The following RAPH1 variants were observed in gnomAD, a reference collection of about 807,000 sequenced individuals.
RAPH1 encodes Ras association (RalGDS/AF-6) and pleckstrin homology domains 1, also known as ras-associated and pleckstrin homology domains-containing protein 1.
A neutral mutation model predicts 88.1 loss-of-function variants in RAPH1; 18 were observed. The observed-to-expected ratio is 0.20, with a 90% CI of 0.14 to 0.30. The LOEUF (loss-of-function observed/expected upper bound fraction) is 0.30, where lower values mean the gene tolerates loss of function less well. RAPH1 is among the 10% of genes least tolerant of loss of function. RAPH1 has a pLI of 1.00. For missense variants in RAPH1, 1,448 were observed against 1,543.2 expected (o/e 0.94, Z 1.03); for synonymous variants, 587 against 559.0 (o/e 1.05, Z -0.71).
At chr2:203,456,199 T>C (rs1201485553) in intron 8 of RAPH1, among the ~76,000 whole-genome samples, 1 of 152,220 alleles carries the variant, frequency 6.6e-6, no homozygotes, top group African/African-American at 2.4e-5. Flanking sequence ...AAAAACTAAG[T>C]TGACACATGA....
chr2:203,465,373 G>T (rs997153010), intron 4 of RAPH1, among the ~76,000 whole-genome samples: 3 of 152,166 alleles, frequency 2.0e-5, no homozygotes, highest in Non-Finnish European at 4.4e-5. Context: ...AATACTAAGT[G>T]AAAGAAGCCA....
At chr2:203,508,037 C>T (rs1051131913) in intron 1 of RAPH1, among the ~76,000 whole-genome samples, 1 of 151,166 alleles carries the variant, frequency 6.6e-6, no homozygotes, top group African/African-American at 2.4e-5. Flanking sequence ...ACAGTGAAAC[C>T]CCATCCCTAC....
intron 10 of RAPH1, among the ~76,000 whole-genome samples, chr2:203,449,592 T>C (rs972924380): frequency 6.6e-6 from 1 of 152,186 alleles, no homozygotes; most frequent in Non-Finnish European, 1.5e-5. Context: ...AGTAGGTCCT[T>C]GGAAAGAAAA....
intron 4 of RAPH1, among the ~76,000 whole-genome samples, chr2:203,466,068 T>C (rs936905956): frequency 1.3e-5 from 2 of 152,226 alleles, no homozygotes; most frequent in African/African-American, 2.4e-5. Context: ...TGCTACTCTT[T>C]ATGCTTACAT....
chr2:203,529,004 T>TAC (rs1690259937), intron 1 of RAPH1, among the ~76,000 whole-genome samples: 2 of 70,036 alleles, frequency 2.9e-5, no homozygotes, highest in Admixed American at 3.3e-4. Context: ...TATATATATA[T>TAC]ATTTTTTTTT....
At chr2:203,480,120 T>C (rs1687655148) in intron 4 of RAPH1, among the ~76,000 whole-genome samples, 2 of 152,356 alleles carry the variant, frequency 1.3e-5, no homozygotes, top group Admixed American at 6.5e-5. Context: ...ATCAATCTTA[T>C]AAAAACTCAC....
chr2:203,477,096 C>T, intron 4 of RAPH1: 1 of 1,613,762 alleles, frequency 6.2e-7, no homozygotes, highest in Non-Finnish European at 8.5e-7. Context: ...TCAGCCTGTT[C>T]TTCTGTGAAG....
intron 7 of RAPH1, among the ~76,000 whole-genome samples, chr2:203,458,286 T>C (rs1283594141): frequency 6.6e-6 from 1 of 151,998 alleles, no homozygotes; most frequent in African/African-American, 2.4e-5. Context: ...GGAGAATCGC[T>C]TGGAGGCGGA....
At chr2:203,510,918 A>G (rs1396491259) in intron 1 of RAPH1, among the ~76,000 whole-genome samples, 1 of 152,140 alleles carries the variant, frequency 6.6e-6, no homozygotes, top group Non-Finnish European at 1.5e-5. Context: ...TTAAAAAAAG[A>G]GTAAATATTA....
intron 4 of RAPH1, among the ~76,000 whole-genome samples, chr2:203,462,505 T>C (rs947594287): frequency 2.0e-5 from 3 of 152,328 alleles, no homozygotes; most frequent in Middle Eastern, 3.4e-3. Context: ...AGCTGCCTTA[T>C]TGCGTAAGTT....
intron 4 of RAPH1, among the ~76,000 whole-genome samples, chr2:203,475,542 AATCTT>A (rs896175173): frequency 6.6e-6 from 1 of 152,226 alleles, no homozygotes; most frequent in Non-Finnish European, 1.5e-5. Flanking sequence ...AATTATAAAT[AATCTT>A]ATCTCATTTG....
Position 203,439,524 on chromosome 2 carries a change from A to G in RAPH1, c.3666T>C (p.His1222=), listed in dbSNP as rs2098501318. The change falls in exon 14 of 14, where the codon CAT becomes CAC. Residue 1222 remains histidine, a synonymous_variant. Transcript: ENST00000319170. ...DQQKAGYGGS[H]ISGYATLRRG... ...TCCGCAACGTTGCATAGCCTGATAT[A>G]TGACTGCCTCCGTAACCAGCCTTCT... 2 of 1,613,994 alleles carry G rather than the reference A, an allele frequency of 1.2e-6. No homozygotes were observed. Among genetic ancestry groups the G allele is most frequent in the South Asian group, 1.1e-5 (1 of 91,084 alleles).
Position 203,482,453 on chromosome 2 carries a change from C to T in RAPH1, c.732+7131G>A, listed in dbSNP as rs143709104. On this transcript the variant is annotated intron_variant, in intron 4 of 13. Coordinates refer to ENST00000319170, the MANE Select transcript of RAPH1 (RefSeq NM_213589.3). ...CGCCTGCCTTGGCCTCCCAAAGTGC[C>T]GGGATTACAGGCGTGAGTCACTGTG... Among the ~76,000 whole-genome samples the T allele has an allele frequency of 3.1e-3, 473 of 152,170 alleles. 2 individuals are homozygous for T. The highest frequency in any genetic ancestry group is 0.011 in the African/African-American group (441 of 41,524).
chr2:203,472,272 A>G (rs1174258724), intron 4 of RAPH1, among the ~76,000 whole-genome samples: 2 of 152,036 alleles, frequency 1.3e-5, no homozygotes, highest in Non-Finnish European at 2.9e-5. Context: ...AGCTGGGATC[A>G]CAGGCATGGG....
At chr2:203,481,706 C>T (rs1687732119) in intron 4 of RAPH1, among the ~76,000 whole-genome samples, 1 of 150,470 alleles carries the variant, frequency 6.6e-6, no homozygotes, top group Admixed American at 6.6e-5. Flanking sequence ...ATTCTCCTGC[C>T]TCAGCCTCCC....
rs779061653 is a variant in RAPH1, at chr2:203,439,574, G to A, written c.3616C>T (p.Pro1206Ser). Residue 1206 changes from proline (P) to serine (S), a missense_variant, in exon 14 of 14, where the codon CCC becomes TCC. This residue lies in a region of RAPH1 where 935 missense variants were observed against 890.1 expected (regional missense o/e 1.05). Transcript: ENST00000319170. The part of the protein sequence containing the change: ...TMDDMALPPP[P>S]PELLSDQQKA... The stretch of plus-strand genomic sequence containing the variant: ...TGTTGATCAGACAGCAGTTCAGGGG[G>A]TGGTGGAGGCAATGCCATATCATCC... 1.2e-6 allele frequency: 2 copies of A among 1,614,200 alleles called. No individual in the cohort carries two copies. Among genetic ancestry groups the A allele is most frequent in the Non-Finnish European group, 8.5e-7 (1 of 1,180,024 alleles).
intron 1 of RAPH1, among the ~76,000 whole-genome samples, chr2:203,510,218 C>A (rs1305015756): frequency 1.3e-5 from 2 of 151,694 alleles, no homozygotes; most frequent in African/African-American, 4.8e-5. Context: ...TGCCTGTAAT[C>A]CCAGCTGCTC....
At chr2:203,504,833 C>G (rs1377202022) in intron 1 of RAPH1, among the ~76,000 whole-genome samples, 1 of 152,118 alleles carries the variant, frequency 6.6e-6, no homozygotes, top group Non-Finnish European at 1.5e-5. Flanking sequence ...TACCCTAAAT[C>G]ATCTCTCTCA....
At chr2:203,490,768 C>T (rs904088465) in intron 3 of RAPH1, among the ~76,000 whole-genome samples, 2 of 152,000 alleles carry the variant, frequency 1.3e-5, no homozygotes, top group African/African-American at 2.4e-5. Context: ...AAGGGCTGGA[C>T]GCAGTGGCTC....
Sources: allele counts gnomAD v4.1 joint callset (sites outside exome capture counted in the v4.1 genomes callset), GRCh38; gene constraint gnomAD v4.1.1; regional missense constraint gnomAD v4.1.1; transcripts MANE v1.5; gene names NCBI Gene and HGNC (gene_info 2026-07-23, HGNC 2026-07-21).